The following PKN2 variants were observed in gnomAD, a reference collection of about 807,000 sequenced individuals.
The protein encoded by PKN2 is protein kinase N2.
PKN2 carries 38 observed loss-of-function variants against 119.1 expected under a neutral mutation model. That is an observed-to-expected ratio of 0.32 (90% CI 0.25 to 0.42). PKN2 has a LOEUF of 0.42. PKN2 is among the 10% of genes least tolerant of loss of function. PKN2 has a pLI of 1.00. For missense variants in PKN2, 850 were observed against 1,165.1 expected, an observed-to-expected ratio of 0.73 and a Z score of 3.94; for synonymous variants, 390 against 384.9, an observed-to-expected ratio of 1.01 and a Z score of -0.15.
chr1:88,710,638 A>G (rs1667191503), intron 1 of PKN2, among the ~76,000 whole-genome samples: 1 of 152,210 alleles, frequency 6.6e-6, no homozygotes. Flanking sequence ...CTATTACTAA[A>G]AAGTCAAAAA....
At chr1:88,724,041 G>T (rs1362369311) in intron 1 of PKN2, among the ~76,000 whole-genome samples, 1 of 152,120 alleles carries the variant, frequency 6.6e-6, no homozygotes, top group East Asian at 1.9e-4. Context: ...GAGAGAGAAG[G>T]AGATACTCAA....
intron 1 of PKN2, among the ~76,000 whole-genome samples, chr1:88,717,245 A>G (rs1263718146): frequency 6.6e-6 from 1 of 151,814 alleles, no homozygotes; most frequent in Non-Finnish European, 1.5e-5. Context: ...CTTCATTTCA[A>G]CCTTGGTGAA....
intron 6 of PKN2, among the ~76,000 whole-genome samples, chr1:88,781,992 A>G (rs1670366036): frequency 6.6e-6 from 1 of 152,180 alleles, no homozygotes. Flanking sequence ...TATAGTTTAC[A>G]TACCATAGAA....
At chr1:88,702,349 G>A (rs1666809337) in intron 1 of PKN2, among the ~76,000 whole-genome samples, 1 of 152,052 alleles carries the variant, frequency 6.6e-6, no homozygotes, top group African/African-American at 2.4e-5. Context: ...AGGATAATAG[G>A]AACCAAATGC....
chr1:88,717,133 T>C (rs1181333046), intron 1 of PKN2, among the ~76,000 whole-genome samples: 85 of 152,150 alleles, frequency 5.6e-4, no homozygotes, highest in Non-Finnish European at 8.2e-4. Context: ...CCCACTCTCT[T>C]CTGGCTTGTA....
At chr1:88,744,758 T>C (rs1291086424) in intron 2 of PKN2, among the ~76,000 whole-genome samples, 1 of 152,216 alleles carries the variant, frequency 6.6e-6, no homozygotes, top group Non-Finnish European at 1.5e-5. Flanking sequence ...AATAATAATC[T>C]CTGAATCTTC....
At chr1:88,716,888 A>C (rs937663201) in intron 1 of PKN2, among the ~76,000 whole-genome samples, 2 of 152,026 alleles carry the variant, frequency 1.3e-5, no homozygotes, top group South Asian at 2.1e-4. Context: ...TCTTCCTATC[A>C]TCGATGGTCT....
intron 2 of PKN2, among the ~76,000 whole-genome samples, chr1:88,755,614 A>G (rs989924747): frequency 6.6e-6 from 1 of 152,144 alleles, no homozygotes; most frequent in Non-Finnish European, 1.5e-5. Flanking sequence ...TTGAGCCCTT[A>G]TTACATTTTA....
Position 88,784,834 on chromosome 1 carries a change from C to G in PKN2, c.1171+10C>G. 1 of 1,558,934 alleles carries G rather than the reference C, an allele frequency of 6.4e-7. No individual in the cohort carries two copies. The highest frequency in any genetic ancestry group is 8.7e-7 in the Non-Finnish European group (1 of 1,147,064). On this transcript the variant is annotated intron_variant, in intron 7 of 21. Coordinates refer to ENST00000370521, the MANE Select transcript of PKN2 (RefSeq NM_006256.4). ...ACCGATGACTTGTCCAGTTCAGTAA[C>G]CAGATTTTTAAAAATCATGTAACAA... is the stretch of plus-strand genomic sequence containing the variant.
chr1:88,771,723 C>G lies in PKN2; in HGVS notation c.829C>G (p.Gln277Glu), dbSNP rs1362936396. 6.2e-7 allele frequency: 1 copy of G among 1,613,854 alleles called. No homozygotes were observed. Among genetic ancestry groups the G allele is most frequent in the East Asian group, 2.2e-5 (1 of 44,832 alleles). The change falls in exon 6 of 22, where the codon CAA (glutamine) becomes GAA (glutamate). Residue 277 changes from glutamine to glutamate, a missense_variant. Transcript: ENST00000370521. Reference protein sequence around the residue: ...KLDLLKYSLEQRLNEVPKNHP... With the variant: ...KLDLLKYSLEERLNEVPKNHP... Reference sequence around the variant, plus strand: ...GGACCTTTTAAAGTATTCATTAGAGCAAAGATTAAACGAAGTCCCCAAGAA... The same window carrying G: ...GGACCTTTTAAAGTATTCATTAGAGGAAAGATTAAACGAAGTCCCCAAGAA...
At chr1:88,832,714 C>T in intron 19 of PKN2, 30 bp from the exon 20 acceptor site, 1 of 1,344,004 alleles carries the variant, frequency 7.4e-7, no homozygotes, top group Non-Finnish European at 1.1e-6. Context: ...TTAAAACTTG[C>T]TTTAACTTAC....
chr1:88,711,310 A>G (rs1191924812), intron 1 of PKN2, among the ~76,000 whole-genome samples: 1 of 123,674 alleles, frequency 8.1e-6, no homozygotes, highest in African/African-American at 3.7e-5. Flanking sequence ...AGAGAAGTGG[A>G]AAAAAAAAAG....
chr1:88,741,343 C>CT, intron 2 of PKN2, 55 bp downstream of exon 2: 1 of 1,150,138 alleles, frequency 8.7e-7, no homozygotes. Flanking sequence ...AAAAATGTAT[C>CT]TTTTTAGAAA....
At chr1:88,788,123 A>T (rs1670657187) in intron 8 of PKN2, among the ~76,000 whole-genome samples, 1 of 152,184 alleles carries the variant, frequency 6.6e-6, no homozygotes, top group Non-Finnish European at 1.5e-5. Flanking sequence ...TCGGGAACTA[A>T]GTCGTCTGTA....
chr1:88,705,340 G>A (rs1666933552), intron 1 of PKN2, among the ~76,000 whole-genome samples: 1 of 151,896 alleles, frequency 6.6e-6, no homozygotes, highest in Admixed American at 6.6e-5. Flanking sequence ...ATGGTGCCAG[G>A]TGTTGATCAA....
rs1287245101 is a variant in PKN2 at position 88,807,432 on chromosome 1, T to G, written c.1923T>G (p.Leu641=). 1 of 1,610,428 alleles carries G rather than the reference T, an allele frequency of 6.2e-7. No individual in the cohort carries two copies. Among genetic ancestry groups the G allele is most frequent in the East Asian group, 2.2e-5 (1 of 44,746 alleles). Residue 641 remains leucine (L), a synonymous_variant, in exon 13 of 22, where the codon CTT becomes CTG. Transcript: ENST00000370521. ...SGLEYSGIQE[L]EDRRSQQRFQ... is the part of the protein sequence containing the mutation. ...TAGAATATAGTGGTATTCAAGAACTTGAGGACAGAAGGTAAAGAATATATA... is the reference window on the plus strand; with the variant it reads ...TAGAATATAGTGGTATTCAAGAACTGGAGGACAGAAGGTAAAGAATATATA...
intron 1 of PKN2, among the ~76,000 whole-genome samples, chr1:88,702,380 G>T (rs1385192631): frequency 6.6e-6 from 1 of 152,146 alleles, no homozygotes; most frequent in Non-Finnish European, 1.5e-5. Flanking sequence ...AAAAATTAAA[G>T]AAAATTTTCT....
chr1:88,785,983 T>C (rs1413896092), intron 7 of PKN2, 121 bp from the exon 8 acceptor site: 1 of 592,444 alleles, frequency 1.7e-6, no homozygotes. Flanking sequence ...GTTTTAATAT[T>C]GATTATGAAA....
rs1279733636 is a variant in PKN2 at position 88,834,071 on chromosome 1, A to G, written c.*623A>G. 1.3e-5 allele frequency: 2 copies of G among 152,084 alleles called. No homozygotes were observed. The highest frequency in any genetic ancestry group is 6.6e-5 in the Admixed American group (1 of 15,250). 9.4% of individuals were successfully genotyped at this position (152,084 alleles called of 1,614,324 possible). A position where few individuals can be genotyped will look rare whatever the true frequency, so the allele number is the denominator to read the frequency against. On this transcript the variant is annotated 3_prime_UTR_variant, in exon 22 of 22. Coordinates refer to ENST00000370521, the MANE Select transcript of PKN2 (RefSeq NM_006256.4). ...AAACTTTATATTGCCTTTTTTATCA[A>G]TCATGTAACAGGCTTATAGCTTTCC...
Sources: gnomAD v4.1 joint callset for allele counts (sites outside exome capture counted in the v4.1 genomes callset) on GRCh38, gnomAD v4.1.1 for gene constraint, MANE v1.5 for transcripts, NCBI Gene and HGNC (gene_info 2026-07-23, HGNC 2026-07-21) for gene names.